Variants in DYNC1I2 observed in about 807,000 individuals in gnomAD.
DYNC1I2 encodes the protein dynein cytoplasmic 1 intermediate chain 2, also known as cytoplasmic dynein 1 intermediate chain 2.
Under a neutral mutation model 88.6 loss-of-function variants are expected in DYNC1I2, and 53 were observed. The observed-to-expected ratio is 0.60, with a 90% CI of 0.48 to 0.75. DYNC1I2 has a LOEUF of 0.75. Among genes scored for constraint, DYNC1I2 ranks in the 30% least tolerant of loss-of-function variants. The pLI is 0.00. For synonymous variants in DYNC1I2, 198 were observed against 254.6 expected (o/e 0.78, Z 2.12); for missense variants, 458 against 766.6 (o/e 0.60, Z 4.75).
At chr2:171,702,455 A>T (rs1269184068) in intron 3 of DYNC1I2, among the ~76,000 whole-genome samples, 1 of 152,232 alleles carries the variant, frequency 6.6e-6, no homozygotes, top group African/African-American at 2.4e-5. Flanking sequence ...ATACGGATGA[A>T]GGCCATGGCT....
intron 3 of DYNC1I2, among the ~76,000 whole-genome samples, chr2:171,700,289 A>G (rs1686149347): frequency 6.6e-6 from 1 of 152,212 alleles, no homozygotes; most frequent in African/African-American, 2.4e-5. Context: ...ATCGAAGAGA[A>G]AAAGAGAGTC....
chr2:171,706,522 C>G (rs780597437), intron 3 of DYNC1I2, 25 bp from the exon 4 acceptor site: 1 of 1,604,260 alleles, frequency 6.2e-7, no homozygotes, highest in Non-Finnish European at 8.5e-7. Flanking sequence ...TTTTGGGTGT[C>G]TGTATCTTTG....
At chr2:171,732,294 A>G (rs1333548029) in intron 15 of DYNC1I2, among the ~76,000 whole-genome samples, 4 of 152,180 alleles carry the variant, frequency 2.6e-5, no homozygotes, top group Non-Finnish European at 4.4e-5. Context: ...ACCCAGCAGG[A>G]GGTTGCAGCA....
At chr2:171,737,996 CT>C (rs1689133432) in intron 15 of DYNC1I2, among the ~76,000 whole-genome samples, 1 of 151,750 alleles carries the variant, frequency 6.6e-6, no homozygotes, top group African/African-American at 2.4e-5. Flanking sequence ...TTGCATGTAG[CT>C]TTTTTCATAT....
intron 15 of DYNC1I2, among the ~76,000 whole-genome samples, chr2:171,742,297 A>C (rs971645368): frequency 2.6e-5 from 4 of 151,854 alleles, no homozygotes; most frequent in African/African-American, 9.7e-5. Flanking sequence ...CTCAGCCCCC[A>C]GGGTGGCTGA....
At chr2:171,694,525 C>T (rs1333710514) in intron 3 of DYNC1I2, among the ~76,000 whole-genome samples, 6 of 151,866 alleles carry the variant, frequency 4.0e-5, no homozygotes, top group East Asian at 3.9e-4. Context: ...GGCGTGGTGG[C>T]GCATGCCTGT....
Position 171,729,861 on chromosome 2 carries a change from A to G in DYNC1I2, c.1536+8A>G. The G allele has an allele frequency of 6.2e-7, 1 of 1,613,458 alleles. No individual in the cohort carries two copies. Among genetic ancestry groups the G allele is most frequent in the Non-Finnish European group, 8.5e-7 (1 of 1,179,542 alleles). The stretch of plus-strand genomic sequence containing the variant: ...AAGCTTTGGACAACTAAGGTATCTA[A>G]AATATAGATGTCTGCTATTTGCTCA... On this transcript the variant is annotated splice_region_variant and intron_variant, in intron 15 of 17. Transcript: ENST00000397119.
At chr2:171,740,406 T>A (rs2105768000) in intron 15 of DYNC1I2, among the ~76,000 whole-genome samples, 2 of 152,332 alleles carry the variant, frequency 1.3e-5, no homozygotes, top group Middle Eastern at 6.8e-3. Context: ...TGACTTACGT[T>A]TTCTTTCTTT....
At chr2:171,715,302 G>A in intron 6 of DYNC1I2, 26 bp from the exon 7 acceptor site, 1 of 1,393,748 alleles carries the variant, frequency 7.2e-7, no homozygotes. Context: ...AGTTAAAATT[G>A]TGTTGTTTGT....
Position 171,692,881 on chromosome 2 carries a change from A to G in DYNC1I2, c.213A>G (p.Pro71=). The change falls in exon 3 of 18, where the codon CCA becomes CCG. Residue 71 remains proline (P), a synonymous_variant. Coordinates refer to ENST00000397119, the MANE Select transcript of DYNC1I2 (RefSeq NM_001378.3). ...TGCTTCAAAGCATGGGGCTAACTCC[A>G]GAATCCCCCATTGGTAAGGTTAAGA... The part of the protein sequence containing the change: ...EALLQSMGLT[P]ESPIVFSEYW... 6.3e-7 allele frequency: 1 copy of G among 1,599,196 alleles called. No individual in the cohort carries two copies. The highest frequency in any genetic ancestry group is 8.5e-7 in the Non-Finnish European group (1 of 1,171,992).
chr2:171,747,271 CT>C (rs1341673201), intron 17 of DYNC1I2, among the ~76,000 whole-genome samples: 2 of 148,076 alleles, frequency 1.4e-5, no homozygotes, highest in East Asian at 4.0e-4. Flanking sequence ...TCACAAGGCT[CT>C]TTTGCCACCA....
chr2:171,692,465 G>A (rs1057121876), intron 2 of DYNC1I2, among the ~76,000 whole-genome samples: 1 of 152,034 alleles, frequency 6.6e-6, no homozygotes, highest in African/African-American at 2.4e-5. Context: ...CCTGACCATA[G>A]ACAGCAATTT....
chr2:171,740,394 C>G (rs1689341175), intron 15 of DYNC1I2, among the ~76,000 whole-genome samples: 1 of 152,120 alleles, frequency 6.6e-6, no homozygotes, highest in African/African-American at 2.4e-5. Context: ...TTATAAAATC[C>G]ATGACTTACG....
At chr2:171,713,122 A>G (rs954771931) in intron 6 of DYNC1I2, among the ~76,000 whole-genome samples, 3 of 152,108 alleles carry the variant, frequency 2.0e-5, no homozygotes, top group Non-Finnish European at 2.9e-5. Context: ...AATATTCTAC[A>G]TGTAATTGAA....
intron 3 of DYNC1I2, among the ~76,000 whole-genome samples, chr2:171,696,187 TATTTTGATATGATCAAATCCTTC>T (rs1354717628): frequency 3.0e-4 from 46 of 152,360 alleles, no homozygotes; most frequent in Non-Finnish European, 4.7e-4. Flanking sequence ...CAGAATCCTC[TATTTTGATATGATCAAATCCTTC>T]ATTTTGATAT....
intron 7 of DYNC1I2, among the ~76,000 whole-genome samples, chr2:171,715,998 G>C (rs781049026): frequency 6.6e-6 from 1 of 152,048 alleles, no homozygotes; most frequent in African/African-American, 2.4e-5. Flanking sequence ...CAGACCTATT[G>C]AATGTGGAGA....
chr2:171,722,711 A>C (rs1176617299), intron 7 of DYNC1I2, among the ~76,000 whole-genome samples: 1 of 152,194 alleles, frequency 6.6e-6, no homozygotes, highest in Non-Finnish European at 1.5e-5. Flanking sequence ...ATTTTTGCCA[A>C]ATATTTGGTA....
intron 4 of DYNC1I2, chr2:171,706,822 T>C: frequency 2.3e-6 from 1 of 437,744 alleles, no homozygotes; most frequent in Non-Finnish European, 4.0e-6. Context: ...CAAAAGTTAA[T>C]ATTTTAAAAT....
Position 171,726,543 on chromosome 2 carries a change from C to G in DYNC1I2, c.871-248C>G, listed in dbSNP as rs148672819. On this transcript the variant is annotated intron_variant, in intron 10 of 17. Transcript: ENST00000397119. ...TACTAATTTCAGTTGCTCACCAAATCCTTTGTGTAAAATTTGGACACATAT... is the reference window on the plus strand; with the variant it reads ...TACTAATTTCAGTTGCTCACCAAATGCTTTGTGTAAAATTTGGACACATAT... 8.9e-4 allele frequency: 493 copies of G among 551,568 alleles called. 3 individuals are homozygous for G. Among genetic ancestry groups the G allele is most frequent in the Non-Finnish European group, 3.0e-4 (101 of 333,056 alleles). The allele number at this position is 551,568 out of a possible 1,614,324, so 34.2% of individuals were successfully genotyped here. A position where few individuals can be genotyped will look rare whatever the true frequency, so the allele number is the denominator to read the frequency against.
Sources: allele counts gnomAD v4.1 joint callset (sites outside exome capture counted in the v4.1 genomes callset), GRCh38; gene constraint gnomAD v4.1.1; transcripts MANE v1.5; gene names NCBI Gene and HGNC (gene_info 2026-07-23, HGNC 2026-07-21).